Variants in CNTNAP5 observed in about 807,000 individuals in gnomAD.
The protein encoded by CNTNAP5 is contactin-associated protein-like 5.
Under a neutral mutation model 150.2 loss-of-function variants are expected in CNTNAP5, and 72 were observed. The observed-to-expected ratio is 0.48, with a 90% CI of 0.40 to 0.58. The LOEUF (loss-of-function observed/expected upper bound fraction) is 0.58, where lower values mean the gene tolerates loss of function less well. CNTNAP5 is among the 20% of genes least tolerant of loss of function. CNTNAP5 has a pLI of 0.00. For synonymous variants in CNTNAP5, 672 were observed against 619.8 expected (o/e 1.08, Z -1.25); for missense variants, 1,636 against 1,626.2 (o/e 1.01, Z -0.10).
intron 3 of CNTNAP5, among the ~76,000 whole-genome samples, chr2:124,243,371 C>A (rs547766131): frequency 1.9e-4 from 29 of 152,192 alleles, no homozygotes; most frequent in Admixed American, 1.6e-3. Context: ...GCCCCATCTC[C>A]CTGATAAAAA....
chr2:124,350,497 C>T (rs1370480908), intron 3 of CNTNAP5, among the ~76,000 whole-genome samples: 2 of 150,950 alleles, frequency 1.3e-5, no homozygotes, highest in Non-Finnish European at 3.0e-5. Flanking sequence ...AGTTCTTACG[C>T]CTTCACATTC....
At chr2:124,142,510 G>A (rs1187602416) in intron 1 of CNTNAP5, among the ~76,000 whole-genome samples, 2 of 145,310 alleles carry the variant, frequency 1.4e-5, no homozygotes, top group Non-Finnish European at 3.0e-5. Flanking sequence ...CAACTACATG[G>A]AAACTGAACA....
chr2:124,504,225 T>G lies in CNTNAP5; in HGVS notation c.1063-67T>G. 2.7e-6 allele frequency: 4 copies of G among 1,506,902 alleles called. No homozygotes were observed. The South Asian group carries it at 4.9e-5, about 18-fold the overall frequency. The allele number at this position is 1,506,902 out of a possible 1,614,324, so 93.3% of individuals were successfully genotyped here. A position where few individuals can be genotyped will look rare whatever the true frequency, so the allele number is the denominator to read the frequency against. On this transcript the variant is annotated intron_variant, in intron 7 of 23. Transcript: ENST00000682447. ...ATTAAGGTCAGCTCCAGGTGGTTGT[T>G]TATATCAGCTGTCAGATTGCGGAAT...
chr2:124,108,595 C>T (rs1197280991), intron 1 of CNTNAP5, among the ~76,000 whole-genome samples: 1 of 152,116 alleles, frequency 6.6e-6, no homozygotes, highest in South Asian at 2.1e-4. Context: ...AAAATGCCTA[C>T]GTTCCTCTCT....
intron 2 of CNTNAP5, among the ~76,000 whole-genome samples, chr2:124,223,830 C>A (rs975469398): frequency 6.6e-6 from 1 of 151,248 alleles, no homozygotes; most frequent in Non-Finnish European, 1.5e-5. Context: ...CGTTTCCCAA[C>A]AAGAGTCTAA....
At chr2:124,519,366 C>A (rs922835043) in intron 8 of CNTNAP5, among the ~76,000 whole-genome samples, 2 of 152,000 alleles carry the variant, frequency 1.3e-5, no homozygotes, top group Non-Finnish European at 1.5e-5. Context: ...AAATCTGTTA[C>A]CAAAAAATAA....
intron 3 of CNTNAP5, among the ~76,000 whole-genome samples, chr2:124,350,082 C>T (rs1384778206): frequency 6.6e-6 from 1 of 151,710 alleles, no homozygotes; most frequent in Non-Finnish European, 1.5e-5. Flanking sequence ...GCAGTTTTCA[C>T]CATTTTGACC....
At chr2:124,091,446 T>A (rs749941827) in intron 1 of CNTNAP5, among the ~76,000 whole-genome samples, 1 of 152,184 alleles carries the variant, frequency 6.6e-6, no homozygotes, top group African/African-American at 2.4e-5. Flanking sequence ...GTAAGCTACA[T>A]GGCAAAGAAG....
intron 19 of CNTNAP5, among the ~76,000 whole-genome samples, chr2:124,822,306 A>G (rs563053579): frequency 6.6e-6 from 1 of 152,122 alleles, no homozygotes; most frequent in Admixed American, 6.6e-5. Flanking sequence ...CATGATTTGT[A>G]TTTTTCCATT....
At chr2:124,447,193 T>C (rs1190125589) in intron 6 of CNTNAP5, among the ~76,000 whole-genome samples, 1 of 33,996 alleles carries the variant, frequency 2.9e-5, no homozygotes, top group Non-Finnish European at 7.0e-5. Flanking sequence ...TTCCTTCTCA[T>C]TTTTTTTTTT....
intron 17 of CNTNAP5, among the ~76,000 whole-genome samples, chr2:124,781,010 G>T (rs1241927731): frequency 6.6e-6 from 1 of 152,216 alleles, no homozygotes; most frequent in African/African-American, 2.4e-5. Context: ...AAAAGCCTGT[G>T]GGTGCTTCGG....
At position 124,899,977 on chromosome 2, in the gene CNTNAP5, T is replaced by C. The variant is rs528422323; in HGVS notation, c.3437-2905T>C. ...ATTATTTTACTCTATACAGGAGATA[T>C]TTTGGAGGGTTTTTTTTTTGGAGGC... is the stretch of plus-strand genomic sequence containing the variant. On this transcript the variant is annotated intron_variant, in intron 21 of 23. Coordinates refer to ENST00000682447, the MANE Select transcript of CNTNAP5 (RefSeq NM_001367498.1). Among the ~76,000 whole-genome samples, 8 of 151,386 alleles carry C rather than the reference T, an allele frequency of 5.3e-5. No homozygotes were observed. The South Asian group carries it at 1.7e-3, about 31-fold the overall frequency.
At chr2:124,748,920 C>G (rs970037273) in intron 14 of CNTNAP5, among the ~76,000 whole-genome samples, 37 of 152,146 alleles carry the variant, frequency 2.4e-4, no homozygotes, top group African/African-American at 8.9e-4. Flanking sequence ...CTGTGAGCCC[C>G]CACTTTATCC....
intron 10 of CNTNAP5, among the ~76,000 whole-genome samples, chr2:124,536,910 C>T (rs1025876653): frequency 1.3e-5 from 2 of 151,962 alleles, no homozygotes; most frequent in Non-Finnish European, 1.5e-5. Flanking sequence ...AAATCAGAAC[C>T]GGAGTAAACT....
chr2:124,369,003 T>A lies in CNTNAP5; in HGVS notation c.382-48440T>A, dbSNP rs545584192. On this transcript the variant is annotated intron_variant, in intron 3 of 23. Coordinates refer to ENST00000682447, the MANE Select transcript of CNTNAP5 (RefSeq NM_001367498.1). ...GGCTTGTTTAAAACAAATAATTTTT[T>A]AAAAAATAGTTGGATAGCTGAGAGT... Among the ~76,000 whole-genome samples the A allele has an allele frequency of 9.9e-5, 15 of 152,228 alleles. No homozygotes were observed. The South Asian group carries it at 2.3e-3, about 23-fold the overall frequency.
At chr2:124,361,894 G>T (rs1024258216) in intron 3 of CNTNAP5, among the ~76,000 whole-genome samples, 4 of 142,356 alleles carry the variant, frequency 2.8e-5, no homozygotes, top group African/African-American at 5.0e-5. Context: ...AATGGCGGGC[G>T]CCCCTCCCCC....
At chr2:124,476,839 C>T (rs1693651415) in intron 7 of CNTNAP5, among the ~76,000 whole-genome samples, 1 of 152,042 alleles carries the variant, frequency 6.6e-6, no homozygotes, top group South Asian at 2.1e-4. Flanking sequence ...TCTATGCTAT[C>T]CTTTCCTCAT....
chr2:124,451,355 A>T (rs148974282), intron 6 of CNTNAP5, among the ~76,000 whole-genome samples: 36 of 151,914 alleles, frequency 2.4e-4, no homozygotes, highest in African/African-American at 8.5e-4. Context: ...TAAACGTAAG[A>T]GTGCTGGAGT....
chr2:124,030,065 T>G (rs1360789782), intron 1 of CNTNAP5, among the ~76,000 whole-genome samples: 1 of 152,122 alleles, frequency 6.6e-6, no homozygotes, highest in Admixed American at 6.5e-5. Flanking sequence ...GGTGACCTTG[T>G]AGAGGTTACT....
Sources: gnomAD v4.1 joint callset for allele counts (sites outside exome capture counted in the v4.1 genomes callset) on GRCh38, gnomAD v4.1.1 for gene constraint, MANE v1.5 for transcripts, NCBI Gene and HGNC (gene_info 2026-07-23, HGNC 2026-07-21) for gene names.